PRTFDC1: variants seen among roughly 807,000 people sequenced by gnomAD.
PRTFDC1 encodes the protein phosphoribosyltransferase domain-containing protein 1.
In PRTFDC1, 38 loss-of-function variants were observed where a neutral mutation model predicts 34.6. The ratio of observed to expected loss-of-function variants is 1.10; its 90% CI spans 0.85 to 1.44. The LOEUF (loss-of-function observed/expected upper bound fraction) is 1.44. Among genes scored for constraint, PRTFDC1 ranks in the 40% most tolerant of loss-of-function variants. The pLI is 0.00. For missense variants in PRTFDC1, 270 were observed against 283.0 expected (o/e 0.95, Z 0.33); for synonymous variants, 93 against 98.1 (o/e 0.95, Z 0.31).
chr10:24,923,627 A>G (rs1458982660), intron 3 of PRTFDC1, among the ~76,000 whole-genome samples: 1 of 152,198 alleles, frequency 6.6e-6, no homozygotes, highest in East Asian at 1.9e-4. Context: ...GGACATCCAC[A>G]CCAAAACCCC....
intron 3 of PRTFDC1, among the ~76,000 whole-genome samples, chr10:24,894,398 A>G (rs1349912877): frequency 2.0e-5 from 3 of 151,730 alleles, no homozygotes; most frequent in Non-Finnish European, 2.9e-5. Context: ...GGCCGTGGGA[A>G]GTGCTGCATG....
At chr10:24,875,933 G>C (rs1322156901) in intron 3 of PRTFDC1, among the ~76,000 whole-genome samples, 1 of 141,850 alleles carries the variant, frequency 7.0e-6, no homozygotes, top group African/African-American at 2.6e-5. Context: ...ATAGCTCATT[G>C]CACCCTCGAA....
At chr10:24,875,906 A>G (rs1002436370) in intron 3 of PRTFDC1, among the ~76,000 whole-genome samples, 2 of 130,994 alleles carry the variant, frequency 1.5e-5, no homozygotes. Flanking sequence ...TCCAGGCTGG[A>G]GCGCAGTGAT....
intron 3 of PRTFDC1, among the ~76,000 whole-genome samples, chr10:24,872,395 T>C (rs1392407969): frequency 6.6e-6 from 1 of 152,140 alleles, no homozygotes; most frequent in Non-Finnish European, 1.5e-5. Flanking sequence ...AAGACAGTCA[T>C]GCTTCTGTGT....
At chr10:24,922,885 C>T (rs1040321226) in intron 3 of PRTFDC1, among the ~76,000 whole-genome samples, 1 of 152,208 alleles carries the variant, frequency 6.6e-6, no homozygotes, top group African/African-American at 2.4e-5. Flanking sequence ...ATTTCCCTTT[C>T]CTAGCCAAGG....
chr10:24,939,488 T>G (rs1273991549), intron 2 of PRTFDC1, among the ~76,000 whole-genome samples: 6 of 151,582 alleles, frequency 4.0e-5, no homozygotes, highest in South Asian at 2.1e-4. Context: ...TAAAAAAAGA[T>G]CTAACTGTAT....
At position 24,872,030 on chromosome 10, in the gene PRTFDC1, C is replaced by G; in HGVS notation, c.373G>C (p.Gly125Arg). 1 of 1,611,990 alleles carries G rather than the reference C, an allele frequency of 6.2e-7. No individual in the cohort carries two copies. ...GCCAGCGTTGAAAGATCATCGCCTC[C>G]GATTATCTGCATCTCACCCATGGAC... is the stretch of plus-strand genomic sequence containing the variant. ...DQSMGEMQIIGGDDLSTLAGK... is the reference protein window; with the variant it reads ...DQSMGEMQIIRGDDLSTLAGK... The change falls in exon 4 of 9, where the codon GGA becomes CGA. Residue 125 changes from glycine (G) to arginine (R), a missense_variant. Coordinates refer to ENST00000320152, the MANE Select transcript of PRTFDC1 (RefSeq NM_020200.7).
At position 24,929,051 on chromosome 10, in the gene PRTFDC1, A is replaced by AG. The variant is rs777204238; in HGVS notation, c.339+8132_339+8133insC. Among the ~76,000 whole-genome samples, 643 of 121,332 alleles carry AG rather than the reference A, an allele frequency of 5.3e-3. 9 individuals are homozygous for AG. The highest frequency in any genetic ancestry group is 7.7e-3 in the Non-Finnish European group (444 of 57,446). 79.6% of individuals were successfully genotyped at this position (121,332 alleles called of 152,430 possible). On this transcript the variant is annotated intron_variant, in intron 3 of 8. Transcript: ENST00000320152. Reference sequence around the variant, plus strand: ...GGCAGACTCCGTCTCAAAAAAAAAAAAAAAGAAAGAAAGAAAGAAAGAAAG... The same window carrying AG: ...GGCAGACTCCGTCTCAAAAAAAAAAAGAAAAGAAAGAAAGAAAGAAAGAAAG...
intron 3 of PRTFDC1, among the ~76,000 whole-genome samples, chr10:24,889,708 G>T (rs1848229378): frequency 6.6e-6 from 1 of 152,204 alleles, no homozygotes. Flanking sequence ...AAGAAAGTCA[G>T]AGAGCAGAAT....
At chr10:24,866,129 G>A (rs142765104) in intron 4 of PRTFDC1, among the ~76,000 whole-genome samples, 3,672 of 152,180 alleles carry the variant, frequency 0.024, 158 homozygotes, top group African/African-American at 0.084. Context: ...GGGAGGCTGA[G>A]GAGGGTGGAT....
intron 4 of PRTFDC1, among the ~76,000 whole-genome samples, chr10:24,864,670 G>C (rs1437532530): frequency 6.6e-6 from 1 of 152,128 alleles, no homozygotes; most frequent in Non-Finnish European, 1.5e-5. Context: ...ATAAACATAA[G>C]TTTTATATGC....
chr10:24,878,657 T>G (rs551655341), intron 3 of PRTFDC1, among the ~76,000 whole-genome samples: 6 of 152,254 alleles, frequency 3.9e-5, no homozygotes, highest in Admixed American at 3.9e-4. Context: ...GCACGCCAGA[T>G]AGCGCAGCAG....
intron 3 of PRTFDC1, among the ~76,000 whole-genome samples, chr10:24,872,477 A>T (rs962544491): frequency 1.4e-4 from 21 of 152,102 alleles, no homozygotes; most frequent in African/African-American, 5.1e-4. Context: ...TCTGCAGTGG[A>T]GAACAGTCAG....
chr10:24,926,163 G>A (rs991867588), intron 3 of PRTFDC1, among the ~76,000 whole-genome samples: 2 of 152,148 alleles, frequency 1.3e-5, no homozygotes, highest in African/African-American at 4.8e-5. Context: ...GTGTGTTCTT[G>A]GGAACCCAGC....
rs1588587780 is a variant in PRTFDC1, at chr10:24,880,813, C to CTCTTTCTTTCTTTCTTTCTTTCTTTTCTT, written c.340-8751_340-8750insAAGAAAAGAAAGAAAGAAAGAAAGAAAGA. On this transcript the variant is annotated intron_variant, in intron 3 of 8. Transcript: ENST00000320152. ...TCCATCATTCCACTTTACTGTCTTTCTCTTTCTTTCTTTCTTTCTTTCTTT... is the reference window on the plus strand; with the variant it reads ...TCCATCATTCCACTTTACTGTCTTTCTCTTTCTTTCTTTCTTTCTTTCTTTTCTTTCTTTCTTTCTTTCTTTCTTTCTTT... Among the ~76,000 whole-genome samples the CTCTTTCTTTCTTTCTTTCTTTCTTTTCTT allele has an allele frequency of 1.4e-3, 160 of 115,016 alleles. 2 individuals are homozygous for CTCTTTCTTTCTTTCTTTCTTTCTTTTCTT. The highest frequency in any genetic ancestry group is 0.013 in the East Asian group (49 of 3,648). The allele number at this position is 115,016 out of a possible 152,430, so 75.5% of individuals were successfully genotyped here.
intron 3 of PRTFDC1, among the ~76,000 whole-genome samples, chr10:24,886,746 G>A (rs1300345379): frequency 6.6e-6 from 1 of 152,034 alleles, no homozygotes; most frequent in Admixed American, 6.5e-5. Flanking sequence ...AGAGTAACTG[G>A]GATTGCAGGT....
At chr10:24,899,073 A>G (rs1848412598) in intron 3 of PRTFDC1, among the ~76,000 whole-genome samples, 3 of 152,264 alleles carry the variant, frequency 2.0e-5, no homozygotes, top group South Asian at 4.1e-4. Context: ...TTATAAGTCA[A>G]CCAGTCTATG....
intron 3 of PRTFDC1, among the ~76,000 whole-genome samples, chr10:24,882,877 G>C (rs1297054273): frequency 2.6e-5 from 4 of 151,148 alleles, no homozygotes; most frequent in Middle Eastern, 3.2e-3. Context: ...TGTGAATTCT[G>C]AACACCGAAA....
chr10:24,891,394 T>C (rs1431208311), intron 3 of PRTFDC1, among the ~76,000 whole-genome samples: 1 of 152,216 alleles, frequency 6.6e-6, no homozygotes, highest in East Asian at 1.9e-4. Context: ...TTTATTGCTG[T>C]AGTTTAAAAA....
Sources: gnomAD v4.1 joint callset for allele counts (sites outside exome capture counted in the v4.1 genomes callset) on GRCh38, gnomAD v4.1.1 for gene constraint, MANE v1.5 for transcripts, NCBI Gene and HGNC (gene_info 2026-07-23, HGNC 2026-07-21) for gene names.